The following RELCH variants were observed in gnomAD, a reference collection of about 807,000 sequenced individuals.
The protein encoded by RELCH is RAB11 binding and LisH domain, coiled-coil and HEAT repeat containing.
A neutral mutation model predicts 150.3 loss-of-function variants in RELCH; 41 were observed. That is an observed-to-expected ratio of 0.27 (90% confidence interval 0.21 to 0.35). The LOEUF (loss-of-function observed/expected upper bound fraction) is 0.35. RELCH is among the 10% of genes least tolerant of loss of function. The pLI is 1.00. For missense variants in RELCH, 1,092 were observed against 1,467.8 expected, an observed-to-expected ratio of 0.74 and a Z score of 4.18; for synonymous variants, 478 against 531.8, an observed-to-expected ratio of 0.90 and a Z score of 1.39.
intron 10 of RELCH, among the ~76,000 whole-genome samples, chr18:62,243,936 A>G (rs951854342): frequency 3.9e-5 from 6 of 152,196 alleles, no homozygotes; most frequent in African/African-American, 1.4e-4. Context: ...TATTGTTTTT[A>G]TAACTTAGAG....
At chr18:62,227,213 T>C (rs2041269565) in intron 5 of RELCH, 76 bp from the exon 6 acceptor site, 1 of 957,090 alleles carries the variant, frequency 1.0e-6, no homozygotes, top group East Asian at 2.6e-5. Context: ...AAAAAGATAT[T>C]AGCAATAATA....
intron 1 of RELCH, among the ~76,000 whole-genome samples, chr18:62,199,784 G>C (rs1031758976): frequency 6.6e-6 from 1 of 152,148 alleles, no homozygotes; most frequent in Non-Finnish European, 1.5e-5. Context: ...TTTGCTGTCG[G>C]AGAGCTTGAG....
Position 62,306,734 on chromosome 18 carries a change from G to T in RELCH, c.*1200G>T, listed in dbSNP as rs1324507610. On this transcript the variant is annotated 3_prime_UTR_variant, in exon 29 of 29. Transcript: ENST00000644646. ...GCTGGACATAGGAAGGGGGTGCTTG[G>T]TTTGAGGGGTTAATGTGAGGCCTTT... The T allele has an allele frequency of 6.6e-6, 1 of 152,612 alleles. No individual in the cohort carries two copies. Among genetic ancestry groups the T allele is most frequent in the Non-Finnish European group, 1.5e-5 (1 of 68,026 alleles). The allele number at this position is 152,612 out of a possible 1,614,324, so 9.5% of individuals were successfully genotyped here. A position where few individuals can be genotyped will look rare whatever the true frequency, so the allele number is the denominator to read the frequency against.
Position 62,255,507 on chromosome 18 carries a change from A to T in RELCH, c.1896+29A>T, listed in dbSNP as rs866302703. ...AGATTGTCTTTTTTTTTTTCTTTAAACTATTTTTCCAATAATAGAAAAACC... is the reference window on the plus strand; with the variant it reads ...AGATTGTCTTTTTTTTTTTCTTTAATCTATTTTTCCAATAATAGAAAAACC... On this transcript the variant is annotated intron_variant, in intron 13 of 28. Transcript: ENST00000644646. 3 of 1,521,638 alleles carry T rather than the reference A, an allele frequency of 2.0e-6. No homozygotes were observed. The African/African-American group carries it at 4.2e-5, about 21-fold the overall frequency. 94.3% of individuals were successfully genotyped at this position (1,521,638 alleles called of 1,614,324 possible). A position where few individuals can be genotyped will look rare whatever the true frequency, so the allele number is the denominator to read the frequency against.
Position 62,227,436 on chromosome 18 carries a change from C to G in RELCH, c.1006C>G (p.Leu336Val). ...AGTAGAAGAAGATGAATTAGAGGCC[C>G]TTACACCAATTATAAGCAACCTTCC... ...SGVEEDELEA[L>V]TPIISNLPPT... The change falls in exon 6 of 29, where the codon CTT (leucine) becomes GTT (valine). Residue 336 changes from leucine to valine, a missense_variant. Physicochemically the swap from Leu to Val is conservative, Grantham distance 32. This residue lies in a region of RELCH where 57 missense variants were observed against 41.5 expected (regional missense o/e 1.37). Coordinates refer to ENST00000644646, the MANE Select transcript of RELCH (RefSeq NM_001346231.2). 8 of 1,613,268 alleles carry G rather than the reference C, an allele frequency of 5.0e-6. No individual in the cohort carries two copies. Among genetic ancestry groups the G allele is most frequent in the East Asian group, 2.2e-5 (1 of 44,806 alleles).
intron 11 of RELCH, 94 bp downstream of exon 11, chr18:62,244,970 C>T (rs749186730): frequency 2.7e-5 from 21 of 781,864 alleles, no homozygotes; most frequent in Non-Finnish European, 4.0e-5. Context: ...TCTAAAATGC[C>T]TTCTTTCCTT....
rs941811384 is a variant in RELCH, at chr18:62,220,717, C to G, written c.617-320C>G. 19 of 286,360 alleles carry G rather than the reference C, an allele frequency of 6.6e-5. No individual in the cohort carries two copies. In the Middle Eastern group the frequency reaches 3.3e-3, roughly 50 times the overall value. 17.7% of individuals were successfully genotyped at this position (286,360 alleles called of 1,614,324 possible). ...CTAGACTGAATAAAGCAGAAGTACCCAGATTATTAATATTTTTATTTATCT... is the reference window on the plus strand; with the variant it reads ...CTAGACTGAATAAAGCAGAAGTACCGAGATTATTAATATTTTTATTTATCT... On this transcript the variant is annotated intron_variant, in intron 2 of 28. Coordinates refer to ENST00000644646, the MANE Select transcript of RELCH (RefSeq NM_001346231.2).
chr18:62,232,178 C>CTGTTGT (rs536910477), intron 9 of RELCH, among the ~76,000 whole-genome samples, 154 bp from the exon 10 acceptor site: 78 of 149,840 alleles, frequency 5.2e-4, no homozygotes, highest in African/African-American at 1.6e-3. Context: ...GCTGCTGCTG[C>CTGTTGT]TGTTGTTGTT....
chr18:62,236,467 C>T (rs1257732780), intron 10 of RELCH, among the ~76,000 whole-genome samples: 1 of 151,822 alleles, frequency 6.6e-6, no homozygotes, highest in Non-Finnish European at 1.5e-5. Context: ...TGGGCTAAGG[C>T]TGGCTTGATA....
chr18:62,285,494 G>C (rs2044744365), intron 25 of RELCH: 1 of 152,258 alleles, frequency 6.6e-6, no homozygotes, highest in Non-Finnish European at 1.5e-5. Context: ...GGTGCCACGT[G>C]TCTATAGTCC....
intron 11 of RELCH, chr18:62,245,675 GT>G (rs2042372427): frequency 6.6e-6 from 1 of 151,846 alleles, no homozygotes; most frequent in Admixed American, 6.6e-5. Context: ...ACAGATATAG[GT>G]ACTGAAGGCC....
At chr18:62,208,195 TGGAGAACGC>T in intron 1 of RELCH, among the ~76,000 whole-genome samples, 1 of 152,176 alleles carries the variant, frequency 6.6e-6, no homozygotes, top group Non-Finnish European at 1.5e-5. Flanking sequence ...ATATCTTCTT[TGGAGAACGC>T]TTTGTCCATT....
In RELCH at chr18:62,228,499, A is replaced by G. The variant is rs1429022838; in HGVS notation, c.1349A>G (p.Lys450Arg). 2 of 1,613,134 alleles carry G rather than the reference A, an allele frequency of 1.2e-6. No individual in the cohort carries two copies. Among genetic ancestry groups the G allele is most frequent in the Non-Finnish European group, 1.7e-6 (2 of 1,179,584 alleles). ...GATGAAGCTGATTCCACTATTCCTA[A>G]AGAGAATTCCCCAAATTCATTCCCC... is the stretch of plus-strand genomic sequence containing the variant. ...ISDEADSTIP[K>R]ENSPNSFPRR... The change falls in exon 8 of 29, where the codon AAA becomes AGA. Residue 450 changes from lysine (K) to arginine (R), a missense_variant. This residue lies in a region of RELCH where 707 missense variants were observed against 1,025.4 expected (regional missense o/e 0.69). Transcript: ENST00000644646.
chr18:62,240,565 C>T (rs930841353), intron 10 of RELCH, among the ~76,000 whole-genome samples: 3 of 151,722 alleles, frequency 2.0e-5, no homozygotes, highest in South Asian at 2.1e-4. Context: ...CACACCACCA[C>T]GCCCAGCTAA....
intron 27 of RELCH, among the ~76,000 whole-genome samples, chr18:62,296,080 ATTTCAGTCC>A (rs1421406721): frequency 6.6e-5 from 10 of 152,290 alleles, no homozygotes; most frequent in Non-Finnish European, 1.5e-4. Flanking sequence ...GAACAGTCTG[ATTTCAGTCC>A]TTTGAAATTT....
At position 62,276,405 on chromosome 18, in the gene RELCH, G is replaced by A. The variant is rs530968434; in HGVS notation, c.2967+932G>A. 4.6e-5 allele frequency among the ~76,000 whole-genome samples: 7 copies of A among 152,122 alleles called. No individual in the cohort carries two copies. In the South Asian group the frequency reaches 1.0e-3, roughly 23 times the overall value. On this transcript the variant is annotated intron_variant, in intron 22 of 28. Coordinates refer to ENST00000644646, the MANE Select transcript of RELCH (RefSeq NM_001346231.2). Reference sequence around the variant, plus strand: ...TAATGCTTGTAAAGCCCTTAAAACAGTCTCTGGAACATAATAAGTGCTTAT... The same window carrying A: ...TAATGCTTGTAAAGCCCTTAAAACAATCTCTGGAACATAATAAGTGCTTAT...
intron 10 of RELCH, among the ~76,000 whole-genome samples, chr18:62,239,617 G>A (rs952386052): frequency 1.3e-5 from 2 of 151,920 alleles, no homozygotes; most frequent in East Asian, 3.9e-4. Flanking sequence ...CAGTCTAAGA[G>A]CACTAGACTT....
At position 62,274,002 on chromosome 18, in the gene RELCH, T is replaced by C. The variant is rs746522623; in HGVS notation, c.2783T>C (p.Val928Ala). 21 of 1,612,226 alleles carry C rather than the reference T, an allele frequency of 1.3e-5. No individual in the cohort carries two copies. Among genetic ancestry groups the C allele is most frequent in the Non-Finnish European group, 4.2e-6 (5 of 1,178,622 alleles). The stretch of plus-strand genomic sequence containing the variant: ...TAGGAAGAAGACCGAAAACTGTTAG[T>C]TGGATTCTTAGAAGATGTAATGACG... Reference protein sequence around the residue: ...YIQEEDRKLLVGFLEDVMTLL... With the variant: ...YIQEEDRKLLAGFLEDVMTLL... The change falls in exon 21 of 29, where the codon GTT (valine) becomes GCT (alanine). Residue 928 changes from valine (V) to alanine (A), a missense_variant. This residue lies in a region of RELCH where 707 missense variants were observed against 1,025.4 expected (regional missense o/e 0.69). Transcript: ENST00000644646.
At chr18:62,281,656 A>G (rs1227342576) in intron 24 of RELCH, among the ~76,000 whole-genome samples, 1 of 152,218 alleles carries the variant, frequency 6.6e-6, no homozygotes, top group East Asian at 1.9e-4. Flanking sequence ...ATTAGCACAT[A>G]TATTATTTGT....
Sources: gnomAD v4.1 joint callset for allele counts (sites outside exome capture counted in the v4.1 genomes callset) on GRCh38, gnomAD v4.1.1 for gene constraint, gnomAD v4.1.1 regional missense constraint, MANE v1.5 for transcripts, NCBI Gene and HGNC (gene_info 2026-07-23, HGNC 2026-07-21) for gene names.